AGBL1: variants seen among roughly 807,000 people sequenced by gnomAD.
The protein encoded by AGBL1 is cytosolic carboxypeptidase 4.
A neutral mutation model predicts 118.9 loss-of-function variants in AGBL1; 130 were observed. That is an observed-to-expected ratio of 1.09 (90% confidence interval 0.95 to 1.26). The LOEUF (loss-of-function observed/expected upper bound fraction) is 1.26, where lower values mean the gene tolerates loss of function less well. AGBL1 is among the 50% of genes most tolerant of loss of function. AGBL1 has a pLI of 0.00. For synonymous variants in AGBL1, 555 were observed against 478.9 expected (o/e 1.16, Z -2.08); for missense variants, 1,584 against 1,298.1 (o/e 1.22, Z -3.38).
chr15:86,118,993 G>A (rs1017964559), intron 1 of AGBL1, among the ~76,000 whole-genome samples: 1 of 152,150 alleles, frequency 6.6e-6, no homozygotes, highest in African/African-American at 2.4e-5. Flanking sequence ...TACTCTGAGA[G>A]TCTCTGAGAG....
chr15:86,317,947 G>A (rs974573778), intron 17 of AGBL1, among the ~76,000 whole-genome samples: 5 of 152,186 alleles, frequency 3.3e-5, no homozygotes, highest in Admixed American at 2.0e-4. Context: ...ATGCACTCCT[G>A]AGACTTCTGG....
chr15:86,893,546 C>G (rs751800952), intron 22 of AGBL1, among the ~76,000 whole-genome samples: 1 of 152,058 alleles, frequency 6.6e-6, no homozygotes, highest in Non-Finnish European at 1.5e-5. Flanking sequence ...AATGAAAAAT[C>G]AAAACAAAGA....
intron 21 of AGBL1, among the ~76,000 whole-genome samples, chr15:86,563,176 C>T (rs1313642999): frequency 2.6e-5 from 4 of 151,936 alleles, no homozygotes; most frequent in Non-Finnish European, 5.9e-5. Flanking sequence ...TATTTCTTGC[C>T]TTCTGCTAGC....
intron 21 of AGBL1, among the ~76,000 whole-genome samples, chr15:86,662,280 A>C (rs966542992): frequency 2.0e-5 from 3 of 152,354 alleles, no homozygotes; most frequent in African/African-American, 7.2e-5. Flanking sequence ...GAAAAAATTC[A>C]CTTTTTTATG....
At chr15:86,584,591 G>A (rs1190652832) in intron 21 of AGBL1, among the ~76,000 whole-genome samples, 3 of 152,078 alleles carry the variant, frequency 2.0e-5, no homozygotes, top group Non-Finnish European at 2.9e-5. Flanking sequence ...TAAATTTACA[G>A]TACAGTATGA....
intron 21 of AGBL1, among the ~76,000 whole-genome samples, chr15:86,582,674 T>A (rs759998773): frequency 6.6e-6 from 1 of 152,090 alleles, no homozygotes; most frequent in African/African-American, 2.4e-5. Flanking sequence ...TGGAATACTA[T>A]GCAGCCATGA....
chr15:87,028,716 GA>G, intron 24 of AGBL1: 2 of 941,650 alleles, frequency 2.1e-6, no homozygotes. Context: ...CATAGATGAG[GA>G]AAATGAATTT....
chr15:86,456,605 C>T (rs1241002794), intron 18 of AGBL1, among the ~76,000 whole-genome samples: 1 of 152,150 alleles, frequency 6.6e-6, no homozygotes, highest in Non-Finnish European at 1.5e-5. Context: ...GGCTGGATCT[C>T]ACATTTGGGG....
chr15:86,868,844 A>C (rs1286829032), intron 22 of AGBL1, among the ~76,000 whole-genome samples: 1 of 152,370 alleles, frequency 6.6e-6, no homozygotes, highest in South Asian at 2.1e-4. Context: ...TTGAAAAAAT[A>C]AAAAGCAATC....
At chr15:86,367,008 C>T (rs182185438) in intron 17 of AGBL1, among the ~76,000 whole-genome samples, 14 of 152,136 alleles carry the variant, frequency 9.2e-5, no homozygotes, top group African/African-American at 3.1e-4. Context: ...TCAGCTAAAA[C>T]TTTTCACCAA....
chr15:86,833,110 T>G (rs571298923), intron 22 of AGBL1, among the ~76,000 whole-genome samples: 1 of 152,110 alleles, frequency 6.6e-6, no homozygotes, highest in Non-Finnish European at 1.5e-5. Flanking sequence ...CCCGCCCCCA[T>G]GATTCAATTG....
rs180879371 is a variant in AGBL1, at chr15:86,855,228, A to G, written c.3159-51859A>G. On this transcript the variant is annotated intron_variant, in intron 22 of 22. Transcript: ENST00000614907. Reference sequence around the variant, plus strand: ...CTGATATTTAAAGTTCGTTTCCACGATGTTATTGGGCAGCTATTATGTGTG... The same window carrying G: ...CTGATATTTAAAGTTCGTTTCCACGGTGTTATTGGGCAGCTATTATGTGTG... Among the ~76,000 whole-genome samples the G allele has an allele frequency of 1.1e-4, 17 of 152,340 alleles. No individual in the cohort carries two copies. The East Asian group carries it at 2.9e-3, about 26-fold the overall frequency.
intron 1 of AGBL1, among the ~76,000 whole-genome samples, chr15:86,087,403 A>G (rs560331912): frequency 3.4e-5 from 5 of 147,976 alleles, no homozygotes; most frequent in Non-Finnish European, 5.9e-5. Context: ...ATCTCGGCTC[A>G]CTGCAATCTC....
At chr15:86,546,211 C>A in intron 20 of AGBL1, 78 bp downstream of exon 20, 196 of 1,168,418 alleles carry the variant, frequency 1.7e-4, no homozygotes, top group Middle Eastern at 4.6e-4. Context: ...ATGCCCCACT[C>A]ATTTATTTAG....
At chr15:86,451,859 A>G (rs902884515) in intron 18 of AGBL1, among the ~76,000 whole-genome samples, 3 of 152,132 alleles carry the variant, frequency 2.0e-5, no homozygotes, top group Non-Finnish European at 4.4e-5. Context: ...TGCATTTACC[A>G]TATTTTAAAA....
intron 22 of AGBL1, among the ~76,000 whole-genome samples, chr15:86,858,166 G>C (rs1410127153): frequency 2.6e-5 from 4 of 152,104 alleles, no homozygotes; most frequent in African/African-American, 9.7e-5. Flanking sequence ...CCTCCTGGAG[G>C]GGGACATGTT....
intron 22 of AGBL1, among the ~76,000 whole-genome samples, chr15:86,895,267 G>A (rs1362363614): frequency 6.6e-6 from 1 of 151,022 alleles, no homozygotes; most frequent in Admixed American, 6.6e-5. Flanking sequence ...TTTAAGCCTT[G>A]AGAAAAATAT....
chr15:86,800,273 A>C (rs559489645), intron 22 of AGBL1, among the ~76,000 whole-genome samples: 76 of 152,288 alleles, frequency 5.0e-4, no homozygotes, highest in African/African-American at 1.8e-3. Context: ...AAACCATGCC[A>C]CAAAACTATA....
At chr15:86,859,286 G>A (rs1027432267) in intron 22 of AGBL1, among the ~76,000 whole-genome samples, 1 of 152,216 alleles carries the variant, frequency 6.6e-6, no homozygotes, top group African/African-American at 2.4e-5. Flanking sequence ...CCCACAGGCA[G>A]TGATGACCTA....
Sources: gnomAD v4.1 joint callset for allele counts (sites outside exome capture counted in the v4.1 genomes callset) on GRCh38, gnomAD v4.1.1 for gene constraint, MANE v1.5 for transcripts, NCBI Gene and HGNC (gene_info 2026-07-23, HGNC 2026-07-21) for gene names.